The following FHOD3 variants were observed in gnomAD, a reference collection of about 807,000 sequenced individuals.
The protein encoded by FHOD3 is FH1/FH2 domain-containing protein 3.
Under a neutral mutation model 173.0 loss-of-function variants are expected in FHOD3, and 90 were observed. The ratio of observed to expected loss-of-function variants is 0.52; its 90% CI spans 0.44 to 0.62. The LOEUF is 0.62. Ranked by LOEUF, FHOD3 falls within the 20% of genes least tolerant of loss-of-function variation. The pLI is 0.00. For synonymous variants in FHOD3, 828 were observed against 823.0 expected (o/e 1.01, Z -0.10); for missense variants, 1,945 against 2,034.7 (o/e 0.96, Z 0.85).
rs139114237 is a variant in FHOD3 at position 36,760,727 on chromosome 18, C to T, written c.4569C>T (p.Ser1523=). The T allele has an allele frequency of 7.4e-6, 12 of 1,612,964 alleles. No homozygotes were observed. The highest frequency in any genetic ancestry group is 4.0e-5 in the African/African-American group (3 of 74,926). ...MKAVLKTSSP[S]VEDATPALGV... ...CTGTGCTGAAAACCTCGTCCCCCTC[C>T]GTGGAGGACGCCACCCCCGCGCTGG... Residue 1523 remains serine (S), a synonymous_variant, in exon 27 of 29, where the codon TCC becomes TCT. Transcript: ENST00000590592.
intron 3 of FHOD3, among the ~76,000 whole-genome samples, chr18:36,492,719 C>T (rs1466087433): frequency 1.3e-5 from 2 of 152,158 alleles, no homozygotes; most frequent in South Asian, 2.1e-4. Flanking sequence ...TCATTGTTCA[C>T]GTGTAGCCTC....
intron 3 of FHOD3, among the ~76,000 whole-genome samples, chr18:36,416,254 C>T (rs950136619): frequency 3.3e-5 from 5 of 152,304 alleles, no homozygotes; most frequent in South Asian, 2.1e-4. Flanking sequence ...AGGATAGTCT[C>T]GATCTCTTGA....
At chr18:36,567,376 C>T (rs2147805453) in intron 5 of FHOD3, among the ~76,000 whole-genome samples, 1 of 152,294 alleles carries the variant, frequency 6.6e-6, no homozygotes, top group East Asian at 1.9e-4. Context: ...CAAATGGACC[C>T]TGGGCCCAGG....
chr18:36,759,018 A>C, intron 25 of FHOD3, 100 bp from the exon 26 acceptor site: 1 of 1,332,294 alleles, frequency 7.5e-7, no homozygotes, highest in Non-Finnish European at 1.0e-6. Flanking sequence ...ATTTACTTGG[A>C]ATTTTATGTG....
chr18:36,605,105 T>G (rs2031908610), intron 8 of FHOD3, among the ~76,000 whole-genome samples: 1 of 152,236 alleles, frequency 6.6e-6, no homozygotes, highest in Admixed American at 6.5e-5. Flanking sequence ...GCTTTTATTT[T>G]CAAATCTTTT....
chr18:36,693,868 T>A (rs2039106056), intron 17 of FHOD3, among the ~76,000 whole-genome samples: 1 of 152,186 alleles, frequency 6.6e-6, no homozygotes, highest in Admixed American at 6.5e-5. Context: ...AATGTGGACC[T>A]AGTGAAAATA....
intron 3 of FHOD3, among the ~76,000 whole-genome samples, chr18:36,481,267 A>G (rs980009174): frequency 2.6e-5 from 4 of 151,942 alleles, no homozygotes; most frequent in Non-Finnish European, 4.4e-5. Context: ...GGCGGCTATA[A>G]TCTACTCTTG....
At chr18:36,546,332 CT>C (rs1366434882) in intron 5 of FHOD3, among the ~76,000 whole-genome samples, 1 of 151,962 alleles carries the variant, frequency 6.6e-6, no homozygotes, top group East Asian at 1.9e-4. Context: ...CTCATAGTTC[CT>C]TTTTTTTGTC....
chr18:36,521,857 A>G (rs556912310), intron 5 of FHOD3, among the ~76,000 whole-genome samples: 3 of 152,268 alleles, frequency 2.0e-5, no homozygotes, highest in Non-Finnish European at 4.4e-5. Context: ...AGTCCACTGC[A>G]GCCACTCCCT....
At chr18:36,328,666 G>A (rs1037169543) in intron 1 of FHOD3, among the ~76,000 whole-genome samples, 1 of 152,162 alleles carries the variant, frequency 6.6e-6, no homozygotes, top group African/African-American at 2.4e-5. Flanking sequence ...TCACTAGGTG[G>A]ATGATGTTGG....
rs2045387145 is a variant in FHOD3, at chr18:36,337,595, T to G, written c.166-17944T>G. 2.0e-5 allele frequency among the ~76,000 whole-genome samples: 3 copies of G among 152,202 alleles called. No homozygotes were observed. In the South Asian group the frequency reaches 6.2e-4, roughly 32 times the overall value. On this transcript the variant is annotated intron_variant, in intron 1 of 28. Transcript: ENST00000590592. ...TCCAGGGGAGACAAGTCCTAAAGAC[T>G]TGTGGTCCTCTGCTCATGAGCAAGG...
intron 3 of FHOD3, among the ~76,000 whole-genome samples, chr18:36,394,088 A>G (rs888716221): frequency 1.3e-5 from 2 of 152,210 alleles, no homozygotes; most frequent in African/African-American, 4.8e-5. Context: ...CTACTTGGGC[A>G]GATCAAGGAA....
chr18:36,693,729 C>T (rs2039098502), intron 17 of FHOD3, among the ~76,000 whole-genome samples: 1 of 152,154 alleles, frequency 6.6e-6, no homozygotes, highest in South Asian at 2.1e-4. Flanking sequence ...TCATTTAATA[C>T]TTTATCATTT....
At chr18:36,600,252 AACAC>A (rs67473480) in intron 7 of FHOD3, among the ~76,000 whole-genome samples, 1,903 of 143,060 alleles carry the variant, frequency 0.013, 28 homozygotes, top group African/African-American at 0.037. Flanking sequence ...TCTCCTCTGC[AACAC>A]ACACACACAC....
At chr18:36,398,803 T>C (rs1308993517) in intron 3 of FHOD3, among the ~76,000 whole-genome samples, 16 of 152,124 alleles carry the variant, frequency 1.1e-4, no homozygotes, top group Admixed American at 9.8e-4. Context: ...TGCAGGTACA[T>C]TGTATGTCTG....
At chr18:36,358,833 A>T (rs548195685) in intron 2 of FHOD3, among the ~76,000 whole-genome samples, 2 of 152,012 alleles carry the variant, frequency 1.3e-5, no homozygotes, top group South Asian at 4.2e-4. Flanking sequence ...GGGTCTCCTT[A>T]TGTTGCCCAG....
chr18:36,586,845 G>C (rs993193592), intron 6 of FHOD3, among the ~76,000 whole-genome samples: 1 of 152,122 alleles, frequency 6.6e-6, no homozygotes. Context: ...TAGCCAAGTG[G>C]ATGTTTTCTG....
chr18:36,665,509 C>T (rs1344807534), intron 14 of FHOD3, among the ~76,000 whole-genome samples: 1 of 151,750 alleles, frequency 6.6e-6, no homozygotes, highest in Non-Finnish European at 1.5e-5. Context: ...TGGGGGATAC[C>T]CCTGGCAAAA....
chr18:36,503,502 G>A (rs1157429556), intron 4 of FHOD3, among the ~76,000 whole-genome samples: 4 of 152,108 alleles, frequency 2.6e-5, no homozygotes, highest in Admixed American at 1.3e-4. Context: ...ATCATACCAC[G>A]GAGTCCCTTC....
Sources: gnomAD v4.1 joint callset for allele counts (sites outside exome capture counted in the v4.1 genomes callset) on GRCh38, gnomAD v4.1.1 for gene constraint, MANE v1.5 for transcripts, NCBI Gene and HGNC (gene_info 2026-07-23, HGNC 2026-07-21) for gene names.